NKAIN3: variants seen among roughly 807,000 people sequenced by gnomAD.
NKAIN3 encodes sodium/potassium-transporting ATPase subunit beta-1-interacting protein 3.
NKAIN3 carries 25 observed loss-of-function variants against 30.2 expected under a neutral mutation model. The ratio of observed to expected loss-of-function variants is 0.83; its 90% confidence interval spans 0.60 to 1.16. NKAIN3 has a LOEUF of 1.16. Among genes scored for constraint, NKAIN3 ranks in the 50% most tolerant of loss-of-function variants. The pLI is 0.00. For synonymous variants in NKAIN3, 91 were observed against 89.6 expected (o/e 1.02, Z -0.09); for missense variants, 225 against 254.1 (o/e 0.89, Z 0.78).
At position 62,414,246 on chromosome 8, in the gene NKAIN3, T is replaced by C. The variant is rs139581000; in HGVS notation, c.54+165119T>C. Among the ~76,000 whole-genome samples, 537 of 152,322 alleles carry C rather than the reference T, an allele frequency of 3.5e-3. 1 individual carries two copies. The highest frequency in any genetic ancestry group is 5.8e-3 in the Non-Finnish European group (397 of 68,010). ...TTTAAGCTGTATAATAAGATTTTCT[T>C]TAAAATGTGTTATTTCTGTTTCAAT... On this transcript the variant is annotated intron_variant, in intron 1 of 6. Coordinates refer to ENST00000623646, the MANE Select transcript of NKAIN3 (RefSeq NM_001304533.3).
intron 4 of NKAIN3, among the ~76,000 whole-genome samples, chr8:62,871,877 G>A (rs918316282): frequency 1.3e-5 from 2 of 152,152 alleles, no homozygotes; most frequent in Non-Finnish European, 2.9e-5. Context: ...ATTTAGAAAG[G>A]AAATTAATAA....
At chr8:62,748,348 A>AGG (rs1563544339) in intron 4 of NKAIN3, among the ~76,000 whole-genome samples, 17 of 152,050 alleles carry the variant, frequency 1.1e-4, no homozygotes, top group East Asian at 3.9e-4. Flanking sequence ...TTTCTGGGAA[A>AGG]AAAAAAAAAT....
intron 1 of NKAIN3, among the ~76,000 whole-genome samples, chr8:62,269,591 A>G (rs1232489191): frequency 1.3e-5 from 2 of 152,164 alleles, no homozygotes; most frequent in Non-Finnish European, 1.5e-5. Flanking sequence ...CTATGAAAAT[A>G]AGCTTGGGGA....
chr8:62,321,149 T>A (rs909875322), intron 1 of NKAIN3, among the ~76,000 whole-genome samples: 2 of 152,242 alleles, frequency 1.3e-5, no homozygotes, highest in African/African-American at 4.8e-5. Context: ...TGTGCATTTG[T>A]CACGTACTTC....
At chr8:62,566,300 C>A (rs1809747667) in intron 1 of NKAIN3, among the ~76,000 whole-genome samples, 1 of 152,050 alleles carries the variant, frequency 6.6e-6, no homozygotes, top group Non-Finnish European at 1.5e-5. Context: ...TTTGGACACC[C>A]ATTTACTATA....
At chr8:62,363,914 A>T (rs913633370) in intron 1 of NKAIN3, among the ~76,000 whole-genome samples, 1 of 152,218 alleles carries the variant, frequency 6.6e-6, no homozygotes, top group Admixed American at 6.5e-5. Flanking sequence ...AAGATGTTTA[A>T]TCAGTCCTTA....
At chr8:62,377,415 T>G (rs1423449575) in intron 1 of NKAIN3, among the ~76,000 whole-genome samples, 1 of 152,144 alleles carries the variant, frequency 6.6e-6, no homozygotes, top group Non-Finnish European at 1.5e-5. Flanking sequence ...TCAGAACCAT[T>G]TTGAGTGTAA....
At chr8:62,817,126 A>G (rs139431825) in intron 4 of NKAIN3, among the ~76,000 whole-genome samples, 364 of 152,200 alleles carry the variant, frequency 2.4e-3, no homozygotes, top group African/African-American at 8.4e-3. Flanking sequence ...GCTGAATTCC[A>G]GTGTTCTCCC....
intron 3 of NKAIN3, among the ~76,000 whole-genome samples, chr8:62,710,657 G>A (rs1814684808): frequency 6.6e-6 from 1 of 152,122 alleles, no homozygotes; most frequent in Non-Finnish European, 1.5e-5. Flanking sequence ...TGGTTGGTGA[G>A]TTCTTATCCA....
At position 62,966,129 on chromosome 8, in the gene NKAIN3, A is replaced by G; in HGVS notation, c.*722A>G. ...GAATATGGGTGTCTCTGAGGTCCAT[A>G]TTTTCTACTCATTATTCCATTCCTG... On this transcript the variant is annotated 3_prime_UTR_variant, in exon 7 of 7. Transcript: ENST00000623646. The G allele has an allele frequency of 2.0e-6, 2 of 985,078 alleles. No homozygotes were observed. The highest frequency in any genetic ancestry group is 2.4e-6 in the Non-Finnish European group (2 of 829,824). The allele number at this position is 985,078 out of a possible 1,614,324, so 61.0% of individuals were successfully genotyped here.
intron 3 of NKAIN3, among the ~76,000 whole-genome samples, chr8:62,639,109 G>T (rs1461763272): frequency 6.6e-6 from 1 of 152,152 alleles, no homozygotes; most frequent in Non-Finnish European, 1.5e-5. Context: ...AACTGAGTGA[G>T]ATCACTGTAG....
chr8:62,305,110 G>A (rs965858342), intron 1 of NKAIN3, among the ~76,000 whole-genome samples: 2 of 150,368 alleles, frequency 1.3e-5, no homozygotes, highest in Non-Finnish European at 2.9e-5. Context: ...TTAAGCAATG[G>A]TTATTCTTAG....
chr8:62,887,409 T>C (rs1314193831), intron 4 of NKAIN3, among the ~76,000 whole-genome samples: 2 of 152,076 alleles, frequency 1.3e-5, no homozygotes, highest in Admixed American at 6.6e-5. Context: ...ATATCTGATA[T>C]TAATTTAAGA....
intron 3 of NKAIN3, among the ~76,000 whole-genome samples, chr8:62,641,091 A>T (rs1370180008): frequency 6.6e-6 from 1 of 152,012 alleles, no homozygotes; most frequent in Non-Finnish European, 1.5e-5. Context: ...CTTATTAGAA[A>T]TGCATCTTGG....
rs376636835 is a variant in NKAIN3 at position 62,355,137 on chromosome 8, AG to A, written c.54+106011del. Among the ~76,000 whole-genome samples the A allele has an allele frequency of 1.8e-3, 279 of 152,330 alleles. 2 individuals are homozygous for A. Among genetic ancestry groups the A allele is most frequent in the African/African-American group, 6.6e-3 (276 of 41,574 alleles). On this transcript the variant is annotated intron_variant, in intron 1 of 6. Coordinates refer to ENST00000623646, the MANE Select transcript of NKAIN3 (RefSeq NM_001304533.3). ...AGAGATTCATAGAGAATTATTTTTC[AG>A]CAGGGATGAGTCACTTGTAGAAGAC... is the stretch of plus-strand genomic sequence containing the variant.
At chr8:62,458,424 G>A (rs1805887870) in intron 1 of NKAIN3, among the ~76,000 whole-genome samples, 1 of 152,198 alleles carries the variant, frequency 6.6e-6, no homozygotes. Flanking sequence ...CCAGACTGCA[G>A]AGTAATGTGT....
At chr8:62,493,258 C>T (rs1275576114) in intron 1 of NKAIN3, among the ~76,000 whole-genome samples, 1 of 152,082 alleles carries the variant, frequency 6.6e-6, no homozygotes, top group Admixed American at 6.6e-5. Context: ...CCAGTTATCC[C>T]AGAACCATTT....
chr8:62,379,106 T>C (rs1817186768), intron 1 of NKAIN3, among the ~76,000 whole-genome samples: 1 of 152,152 alleles, frequency 6.6e-6, no homozygotes, highest in Admixed American at 6.5e-5. Context: ...GGAGATAAGT[T>C]TGGAAATTTA....
chr8:62,588,929 G>A (rs1428281323), intron 2 of NKAIN3, among the ~76,000 whole-genome samples: 1 of 151,874 alleles, frequency 6.6e-6, no homozygotes, highest in East Asian at 1.9e-4. Context: ...GTGACTGGAT[G>A]AGAGGAGCCA....
Sources: gnomAD v4.1 joint callset for allele counts (sites outside exome capture counted in the v4.1 genomes callset) on GRCh38, gnomAD v4.1.1 for gene constraint, MANE v1.5 for transcripts, NCBI Gene and HGNC (gene_info 2026-07-23, HGNC 2026-07-21) for gene names.